The following OSBPL10 variants were observed in gnomAD, a reference collection of about 807,000 sequenced individuals.
The protein encoded by OSBPL10 is oxysterol binding protein like 10, also known as oxysterol-binding protein-related protein 10.
A neutral mutation model predicts 81.7 loss-of-function variants in OSBPL10; 49 were observed. The observed-to-expected ratio is 0.60, with a 90% CI of 0.48 to 0.76. The LOEUF is 0.76. Ranked by LOEUF, OSBPL10 falls within the 30% of genes least tolerant of loss-of-function variation. The pLI, the probability that OSBPL10 is intolerant of heterozygous loss-of-function variation, is 0.00. For synonymous variants in OSBPL10, 419 were observed against 383.6 expected, an observed-to-expected ratio of 1.09 and a Z score of -1.08; for missense variants, 923 against 987.8, an observed-to-expected ratio of 0.93 and a Z score of 0.88.
At chr3:31,817,583 TCCTG>T (rs1333173613) in intron 4 of OSBPL10, among the ~76,000 whole-genome samples, 1 of 151,374 alleles carries the variant, frequency 6.6e-6, no homozygotes, top group Non-Finnish European at 1.5e-5. Flanking sequence ...GCAGGGCAAA[TCCTG>T]CCTGCTCCCA....
At chr3:32,053,888 C>G (rs114736138) in intron 1 of OSBPL10, among the ~76,000 whole-genome samples, 2 of 151,988 alleles carry the variant, frequency 1.3e-5, no homozygotes, top group Non-Finnish European at 2.9e-5. Flanking sequence ...CACTTGAACA[C>G]GGGAGGCAGA....
rs10715360 is a variant in OSBPL10 at position 31,743,031 on chromosome 3, GTTTTTT to G, written c.940+4873_940+4878del. On this transcript the variant is annotated intron_variant, in intron 5 of 11. Coordinates refer to ENST00000396556, the MANE Select transcript of OSBPL10 (RefSeq NM_017784.5). ...AAGTCTTGACCGAAAAGCTAAATTAGTTTTTTTTTTTTTTTTTTTTTTTTTTTTAGA... is the reference window on the plus strand; with the variant it reads ...AAGTCTTGACCGAAAAGCTAAATTAGTTTTTTTTTTTTTTTTTTTTTTAGA... 4.6e-3 allele frequency among the ~76,000 whole-genome samples: 262 copies of G among 57,500 alleles called. 3 individuals are homozygous for G. Among genetic ancestry groups the G allele is most frequent in the African/African-American group, 0.016 (251 of 15,704 alleles). 37.7% of individuals were successfully genotyped at this position (57,500 alleles called of 152,430 possible). A position where few individuals can be genotyped will look rare whatever the true frequency, so the allele number is the denominator to read the frequency against.
intron 2 of OSBPL10, among the ~76,000 whole-genome samples, chr3:32,004,201 A>G: frequency 6.6e-6 from 1 of 152,188 alleles, no homozygotes; most frequent in Non-Finnish European, 1.5e-5. Flanking sequence ...ATCCTGTTAG[A>G]GTGGTGACAG....
At chr3:31,971,206 T>A (rs1698558683) in intron 1 of OSBPL10, among the ~76,000 whole-genome samples, 1 of 147,524 alleles carries the variant, frequency 6.8e-6, no homozygotes, top group African/African-American at 2.4e-5. Context: ...AGTGGCACAA[T>A]CTTGGCTCAC....
At chr3:31,752,672 T>C (rs1697756095) in intron 4 of OSBPL10, among the ~76,000 whole-genome samples, 2 of 152,144 alleles carry the variant, frequency 1.3e-5, no homozygotes, top group South Asian at 2.1e-4. Context: ...ACCAATGATA[T>C]CTAGCTCAAC....
chr3:31,829,726 A>G (rs1700191036), intron 4 of OSBPL10, among the ~76,000 whole-genome samples: 1 of 152,124 alleles, frequency 6.6e-6, no homozygotes, highest in Non-Finnish European at 1.5e-5. Context: ...CTTATTATCC[A>G]TGAGGTTTGG....
intron 1 of OSBPL10, among the ~76,000 whole-genome samples, chr3:31,979,081 C>A (rs1025421056): frequency 1.3e-5 from 2 of 152,056 alleles, no homozygotes; most frequent in Non-Finnish European, 2.9e-5. Flanking sequence ...CTCAACACAC[C>A]AACAAAATGC....
Position 32,057,841 on chromosome 3 carries a change from G to C in OSBPL10, n.186-11238C>G, listed in dbSNP as rs1014998970. On this transcript the variant is annotated intron_variant and non_coding_transcript_variant, in intron 1 of 3. Transcript: ENST00000479173. The stretch of plus-strand genomic sequence containing the variant: ...AAGAGTAACATAGAGGCCCTCAGGT[G>C]GGGGACCAACCCAGGAGGTGGAAGT... Among the ~76,000 whole-genome samples, 5 of 152,256 alleles carry C rather than the reference G, an allele frequency of 3.3e-5. No individual in the cohort carries two copies. In the South Asian group the frequency reaches 6.2e-4, roughly 19 times the overall value.
intron 1 of OSBPL10, among the ~76,000 whole-genome samples, chr3:31,886,756 A>G (rs1695748554): frequency 6.6e-6 from 1 of 152,056 alleles, no homozygotes; most frequent in South Asian, 2.1e-4. Context: ...CCTGGCCAAT[A>G]TGGTGAAACC....
intron 4 of OSBPL10, among the ~76,000 whole-genome samples, chr3:31,787,125 C>T (rs1479190374): frequency 6.6e-6 from 1 of 152,146 alleles, no homozygotes; most frequent in Non-Finnish European, 1.5e-5. Flanking sequence ...TTCTTCATGT[C>T]CCTTAGTTTG....
intron 6 of OSBPL10, among the ~76,000 whole-genome samples, chr3:31,725,723 G>A (rs1364479179): frequency 6.6e-6 from 1 of 152,100 alleles, no homozygotes; most frequent in Non-Finnish European, 1.5e-5. Context: ...TCACTCAACA[G>A]GTTAAATTTA....
intron 7 of OSBPL10, among the ~76,000 whole-genome samples, chr3:31,701,508 G>A (rs529088208): frequency 2.2e-4 from 34 of 152,226 alleles, no homozygotes; most frequent in Non-Finnish European, 2.1e-4. Context: ...TAGGTCCTCC[G>A]CACGCCTCAT....
intron 7 of OSBPL10, among the ~76,000 whole-genome samples, chr3:31,684,501 TGGGGCA>T (rs1700740827): frequency 6.6e-6 from 1 of 152,166 alleles, no homozygotes; most frequent in Non-Finnish European, 1.5e-5. Flanking sequence ...CCAAGTGGGC[TGGGGCA>T]GGGGAAGGGA....
chr3:32,026,054 AGAT>A (rs758588719), intron 2 of OSBPL10, among the ~76,000 whole-genome samples: 2,468 of 109,248 alleles, frequency 0.023, 26 homozygotes, highest in Admixed American at 0.058. Context: ...ATAGATAGAT[AGAT>A]GATAGATAGA....
At chr3:31,905,760 A>T (rs369542278) in intron 1 of OSBPL10, among the ~76,000 whole-genome samples, 93 of 152,264 alleles carry the variant, frequency 6.1e-4, no homozygotes, top group Middle Eastern at 3.4e-3. Context: ...ATATTATTCA[A>T]ATCTGTCTTG....
At chr3:31,730,996 A>G (rs921900197) in intron 6 of OSBPL10, among the ~76,000 whole-genome samples, 13 of 152,236 alleles carry the variant, frequency 8.5e-5, no homozygotes, top group African/African-American at 3.1e-4. Flanking sequence ...ACCTTTAGGA[A>G]TTTCACTTCA....
intron 1 of OSBPL10, among the ~76,000 whole-genome samples, chr3:31,965,800 ATC>A: frequency 1.4e-5 from 1 of 73,942 alleles, no homozygotes. Context: ...AAGATATATT[ATC>A]TATTTATATA....
Position 31,896,096 on chromosome 3 carries a change from C to A in OSBPL10, c.282-16266G>T, listed in dbSNP as rs568820723. On this transcript the variant is annotated intron_variant, in intron 1 of 11. Transcript: ENST00000396556. ...AATGCCACATTAATTCCAAGAAACT[C>A]AACTCCAAGAATTGTATGACAGTTG... 2.6e-5 allele frequency among the ~76,000 whole-genome samples: 4 copies of A among 152,302 alleles called. No homozygotes were observed. In the South Asian group the frequency reaches 8.3e-4, roughly 32 times the overall value.
intron 2 of OSBPL10, chr3:31,991,323 T>G (rs1344085794): frequency 4.2e-6 from 1 of 238,546 alleles, no homozygotes; most frequent in Non-Finnish European, 8.8e-6. Context: ...ATGGGTATTG[T>G]GTTGAATCTA....
Sources: gnomAD v4.1 joint callset for allele counts (sites outside exome capture counted in the v4.1 genomes callset) on GRCh38, gnomAD v4.1.1 for gene constraint, MANE v1.5 for transcripts, NCBI Gene and HGNC (gene_info 2026-07-23, HGNC 2026-07-21) for gene names.